SLCO3A1: variants seen among roughly 807,000 people sequenced by gnomAD.
SLCO3A1 encodes the protein solute carrier organic anion transporter family member 3A1.
SLCO3A1 carries 27 observed loss-of-function variants against 63.1 expected under a neutral mutation model. That is an observed-to-expected ratio of 0.43 (90% CI 0.32 to 0.59). The LOEUF is 0.59. SLCO3A1 is among the 20% of genes least tolerant of loss of function. The pLI, the probability that SLCO3A1 is intolerant of heterozygous loss-of-function variation, is 0.09. For missense variants in SLCO3A1, 773 were observed against 945.8 expected (o/e 0.82, Z 2.40); for synonymous variants, 473 against 409.9 (o/e 1.15, Z -1.86).
intron 2 of SLCO3A1, among the ~76,000 whole-genome samples, chr15:92,029,032 C>T (rs1285018254): frequency 2.0e-5 from 3 of 151,606 alleles, no homozygotes; most frequent in African/African-American, 4.9e-5. Context: ...CTTCAGGCCC[C>T]AGAGGACATA....
At chr15:92,058,234 C>T (rs2047044905) in intron 2 of SLCO3A1, among the ~76,000 whole-genome samples, 1 of 152,096 alleles carries the variant, frequency 6.6e-6, no homozygotes, top group Non-Finnish European at 1.5e-5. Context: ...GGTGTTTCCA[C>T]AGATCCAGAA....
intron 2 of SLCO3A1, among the ~76,000 whole-genome samples, chr15:91,961,839 A>C (rs1900458678): frequency 6.6e-6 from 1 of 152,216 alleles, no homozygotes; most frequent in African/African-American, 2.4e-5. Context: ...ATTCACTGTT[A>C]CATGTTTAAA....
intron 2 of SLCO3A1, among the ~76,000 whole-genome samples, chr15:92,047,612 AT>A (rs1200279256): frequency 2.3e-4 from 8 of 35,470 alleles, no homozygotes; most frequent in Non-Finnish European, 3.0e-4. Context: ...TATATATATA[AT>A]ATATAAATAT....
At chr15:91,933,898 G>T (rs1899316926) in intron 2 of SLCO3A1, among the ~76,000 whole-genome samples, 1 of 152,130 alleles carries the variant, frequency 6.6e-6, no homozygotes, top group South Asian at 2.1e-4. Flanking sequence ...TATGAGTCAG[G>T]AAATTACAAC....
intron 9 of SLCO3A1, chr15:92,157,148 C>T (rs1188582177): frequency 1.3e-5 from 2 of 152,226 alleles, no homozygotes; most frequent in Admixed American, 6.5e-5. Context: ...ATTGAGCCTG[C>T]ACATACCTTC....
At chr15:92,077,305 A>G (rs1387692779) in intron 2 of SLCO3A1, among the ~76,000 whole-genome samples, 1 of 152,080 alleles carries the variant, frequency 6.6e-6, no homozygotes, top group Non-Finnish European at 1.5e-5. Flanking sequence ...GGTTGGGGTA[A>G]TAGCAGGCCT....
In SLCO3A1 at chr15:91,870,133, C is replaced by T. The variant is rs1897252911; in HGVS notation, c.180+16045C>T. Among the ~76,000 whole-genome samples the T allele has an allele frequency of 5.3e-5, 8 of 152,156 alleles. No homozygotes were observed. The South Asian group carries it at 1.5e-3, about 28-fold the overall frequency. ...TGTTAATTTCCAGAAGGTGGACGTT[C>T]GTCTAGTCTATATCAAGGTATGAAT... On this transcript the variant is annotated intron_variant, in intron 1 of 9. Coordinates refer to ENST00000318445, the MANE Select transcript of SLCO3A1 (RefSeq NM_013272.4).
At chr15:92,100,246 C>G (rs921831057) in intron 3 of SLCO3A1, among the ~76,000 whole-genome samples, 1 of 152,220 alleles carries the variant, frequency 6.6e-6, no homozygotes, top group East Asian at 1.9e-4. Context: ...TTCTCCTGTC[C>G]CCTTTACCAG....
intron 1 of SLCO3A1, among the ~76,000 whole-genome samples, chr15:91,906,794 C>G (rs1036028594): frequency 6.6e-6 from 1 of 152,160 alleles, no homozygotes; most frequent in African/African-American, 2.4e-5. Flanking sequence ...AGCTCCGATC[C>G]TGAGTGGTAG....
At chr15:91,969,644 T>G (rs1900786527) in intron 2 of SLCO3A1, among the ~76,000 whole-genome samples, 1 of 152,184 alleles carries the variant, frequency 6.6e-6, no homozygotes, top group African/African-American at 2.4e-5. Context: ...ATCAAAAACA[T>G]TACCAAAATC....
chr15:91,855,968 T>C (rs1305013142), intron 1 of SLCO3A1, among the ~76,000 whole-genome samples: 3 of 151,934 alleles, frequency 2.0e-5, no homozygotes, highest in Non-Finnish European at 4.4e-5. Flanking sequence ...TATTTTTCGG[T>C]TGCAGTGATC....
chr15:92,003,216 T>C (rs1340447467), intron 2 of SLCO3A1, among the ~76,000 whole-genome samples: 1 of 152,198 alleles, frequency 6.6e-6, no homozygotes, highest in Non-Finnish European at 1.5e-5. Flanking sequence ...CCTGGAACCG[T>C]GCTGAGCATA....
chr15:91,984,266 G>A (rs2046023067), intron 2 of SLCO3A1, among the ~76,000 whole-genome samples: 1 of 152,128 alleles, frequency 6.6e-6, no homozygotes. Flanking sequence ...ATTACTCAAG[G>A]TTTGAAGGGA....
At chr15:91,919,168 G>A (rs1295932161) in intron 2 of SLCO3A1, among the ~76,000 whole-genome samples, 1 of 152,216 alleles carries the variant, frequency 6.6e-6, no homozygotes, top group East Asian at 1.9e-4. Context: ...CGGTGGCCGT[G>A]TCGTAGCTTC....
intron 4 of SLCO3A1, among the ~76,000 whole-genome samples, chr15:92,116,291 T>G (rs1332473430): frequency 3.3e-5 from 5 of 152,196 alleles, no homozygotes; most frequent in Admixed American, 6.5e-5. Context: ...GAAGGACCCA[T>G]AAGTTTCCAA....
chr15:91,934,691 AATTAGCTAGAGAG>A (rs1899346584), intron 2 of SLCO3A1, among the ~76,000 whole-genome samples: 1 of 152,162 alleles, frequency 6.6e-6, no homozygotes, highest in South Asian at 2.1e-4. Context: ...ACCATTTTAG[AATTAGCTAGAGAG>A]ATTAGGTTGA....
chr15:91,872,085 A>G lies in SLCO3A1; in HGVS notation c.180+17997A>G, dbSNP rs890791001. Among the ~76,000 whole-genome samples the G allele has an allele frequency of 6.6e-6, 1 of 152,150 alleles. No homozygotes were observed. The highest frequency in any genetic ancestry group is 2.4e-5 in the African/African-American group (1 of 41,430). On this transcript the variant is annotated intron_variant, in intron 1 of 9. Coordinates refer to ENST00000318445, the MANE Select transcript of SLCO3A1 (RefSeq NM_013272.4). The surrounding 1 kb of genome is among the most constrained non-coding windows in gnomAD (Gnocchi z 4.1). The stretch of plus-strand genomic sequence containing the variant: ...GGTCACAAAAGATGTGGGGAGTCAA[A>G]TCCTCTGTGGAAAGGGGAATTGCCT...
Position 91,939,551 on chromosome 15 carries a change from A to G in SLCO3A1, c.646+23093A>G, listed in dbSNP as rs559367934. Among the ~76,000 whole-genome samples the G allele has an allele frequency of 1.4e-4, 22 of 152,238 alleles. No homozygotes were observed. In the South Asian group the frequency reaches 3.9e-3, roughly 27 times the overall value. On this transcript the variant is annotated intron_variant, in intron 2 of 9. Coordinates refer to ENST00000318445, the MANE Select transcript of SLCO3A1 (RefSeq NM_013272.4). ...GCAGCCAGGCCTGGCAGAGGTGGGC[A>G]GATGCTCAGCCACAGATGGATGCCA...
intron 1 of SLCO3A1, among the ~76,000 whole-genome samples, chr15:91,867,863 A>C (rs1421950027): frequency 6.6e-6 from 1 of 152,164 alleles, no homozygotes; most frequent in Non-Finnish European, 1.5e-5. Flanking sequence ...TTCAGCTTCA[A>C]GGACTGTGTG....
Sources: gnomAD v4.1 joint callset for allele counts (sites outside exome capture counted in the v4.1 genomes callset) on GRCh38, gnomAD v4.1.1 for gene constraint, Gnocchi (gnomAD v3.1) non-coding constraint, MANE v1.5 for transcripts, NCBI Gene and HGNC (gene_info 2026-07-23, HGNC 2026-07-21) for gene names.